The following QSER1 variants were observed in gnomAD, a reference collection of about 807,000 sequenced individuals.
QSER1 encodes the protein glutamine and serine rich 1.
QSER1 carries 49 observed loss-of-function variants against 158.5 expected under a neutral mutation model. The ratio of observed to expected loss-of-function variants is 0.31; its 90% CI spans 0.25 to 0.39. The LOEUF (loss-of-function observed/expected upper bound fraction) is 0.39. QSER1 is among the 10% of genes least tolerant of loss of function. QSER1 has a pLI of 1.00. For synonymous variants in QSER1, 650 were observed against 715.5 expected (o/e 0.91, Z 1.46); for missense variants, 1,754 against 2,010.3 (o/e 0.87, Z 2.44).
At chr11:32,969,174 C>A in intron 10 of QSER1, 31 bp downstream of exon 10, 2 of 1,237,812 alleles carry the variant, frequency 1.6e-6, no homozygotes, top group Non-Finnish European at 2.3e-6. Context: ...ATTAGCAAAA[C>A]TCAATGGCAG....
At chr11:32,918,153 C>T (rs529863053) in intron 1 of QSER1, among the ~76,000 whole-genome samples, 23 of 152,000 alleles carry the variant, frequency 1.5e-4, no homozygotes, top group Admixed American at 4.6e-4. Flanking sequence ...ATTTCTCTTC[C>T]GAAACTGTAC....
At chr11:32,894,813 A>G (rs897813831) in intron 1 of QSER1, among the ~76,000 whole-genome samples, 2 of 152,244 alleles carry the variant, frequency 1.3e-5, no homozygotes, top group Non-Finnish European at 2.9e-5. Flanking sequence ...ATTTTGTATT[A>G]CATACAAGTA....
At chr11:32,898,441 G>A (rs1851582463) in intron 1 of QSER1, among the ~76,000 whole-genome samples, 1 of 151,568 alleles carries the variant, frequency 6.6e-6, no homozygotes, top group African/African-American at 2.4e-5. Context: ...AGCTGTGATG[G>A]TGCCACTGCA....
rs1192916091 is a variant in QSER1, at chr11:32,976,688, C to T, written c.*214C>T. 1.3e-5 allele frequency: 6 copies of T among 464,904 alleles called. No homozygotes were observed. The highest frequency in any genetic ancestry group is 2.1e-5 in the African/African-American group (1 of 48,360). The allele number at this position is 464,904 out of a possible 1,614,324, so 28.8% of individuals were successfully genotyped here. On this transcript the variant is annotated 3_prime_UTR_variant, in exon 13 of 13. Coordinates refer to ENST00000650167, the MANE Select transcript of QSER1 (RefSeq NM_001076786.3). ...ACCTAAATCCCACCACATTTTTACCCTAATGAATGATTTTTCTATTTTGTA... is the reference window on the plus strand; with the variant it reads ...ACCTAAATCCCACCACATTTTTACCTTAATGAATGATTTTTCTATTTTGTA...
At chr11:32,961,651 C>A (rs991261674) in intron 8 of QSER1, among the ~76,000 whole-genome samples, 1 of 152,124 alleles carries the variant, frequency 6.6e-6, no homozygotes, top group African/African-American at 2.4e-5. Flanking sequence ...TACTGGTAAC[C>A]TCTAATCTGT....
intron 7 of QSER1, among the ~76,000 whole-genome samples, chr11:32,956,411 A>C (rs533716337): frequency 6.6e-6 from 1 of 152,322 alleles, no homozygotes; most frequent in South Asian, 2.1e-4. Context: ...GTCCAGCTTT[A>C]TGTGACTTAG....
intron 11 of QSER1, among the ~76,000 whole-genome samples, chr11:32,974,864 T>G (rs959317250): frequency 6.6e-6 from 1 of 152,172 alleles, no homozygotes; most frequent in African/African-American, 2.4e-5. Context: ...ATTACAAAAT[T>G]AGTGTTATTA....
intron 11 of QSER1, among the ~76,000 whole-genome samples, chr11:32,973,831 T>C (rs1283410466): frequency 6.6e-6 from 1 of 152,198 alleles, no homozygotes; most frequent in Non-Finnish European, 1.5e-5. Flanking sequence ...TGTAGGTAGT[T>C]TTTCATTTTT....
chr11:32,915,040 C>T (rs1040054944), intron 1 of QSER1, among the ~76,000 whole-genome samples: 1 of 152,084 alleles, frequency 6.6e-6, no homozygotes, highest in Non-Finnish European at 1.5e-5. Context: ...CCACCTTAGC[C>T]CCCCTGAGTA....
chr11:32,945,365 C>T (rs1316498747), intron 4 of QSER1, among the ~76,000 whole-genome samples: 15 of 151,672 alleles, frequency 9.9e-5, no homozygotes, highest in South Asian at 8.4e-4. Flanking sequence ...GATTTTGCAG[C>T]GGCTGGTACC....
intron 1 of QSER1, among the ~76,000 whole-genome samples, chr11:32,899,581 C>T (rs1049629199): frequency 6.6e-6 from 1 of 152,076 alleles, no homozygotes; most frequent in East Asian, 1.9e-4. Flanking sequence ...AAGTGACAAG[C>T]ATGCAATCAC....
intron 7 of QSER1, 53 bp downstream of exon 7, chr11:32,956,174 A>G: frequency 7.0e-7 from 1 of 1,433,508 alleles, no homozygotes; most frequent in African/African-American, 1.4e-5. Flanking sequence ...TGTATTATTG[A>G]TGATACCAAT....
chr11:32,966,293 C>T lies in QSER1; in HGVS notation c.4970-7C>T. The T allele has an allele frequency of 1.9e-6, 3 of 1,610,712 alleles. No individual in the cohort carries two copies. The highest frequency in any genetic ancestry group is 2.5e-6 in the Non-Finnish European group (3 of 1,179,058). On this transcript the variant is annotated splice_region_variant and splice_polypyrimidine_tract_variant and intron_variant, in intron 8 of 12. Transcript: ENST00000650167. ...AAATTTAATATTTAACCCTTTCTCC[C>T]TCCCAGAATTTGAACCTCCCGCTCC... is the stretch of plus-strand genomic sequence containing the variant.
intron 1 of QSER1, among the ~76,000 whole-genome samples, chr11:32,914,977 C>T (rs528109421): frequency 1.2e-3 from 184 of 152,200 alleles, no homozygotes; most frequent in Middle Eastern, 6.8e-3. Context: ...TGAAGTGTAG[C>T]GGCCTGATCA....
At chr11:32,915,078 A>G (rs1210964537) in intron 1 of QSER1, among the ~76,000 whole-genome samples, 1 of 152,046 alleles carries the variant, frequency 6.6e-6, no homozygotes, top group Non-Finnish European at 1.5e-5. Flanking sequence ...CACTATGCCC[A>G]GCTAATTATT....
At chr11:32,948,182 T>A (rs190413948) in intron 4 of QSER1, among the ~76,000 whole-genome samples, 2 of 152,234 alleles carry the variant, frequency 1.3e-5, no homozygotes, top group South Asian at 2.1e-4. Context: ...ACAAACTAAT[T>A]GGAATGGACA....
intron 1 of QSER1, among the ~76,000 whole-genome samples, chr11:32,900,912 C>T (rs1383695385): frequency 2.0e-5 from 3 of 152,324 alleles, no homozygotes; most frequent in African/African-American, 4.8e-5. Context: ...AGAGCATTCT[C>T]ACTCTCTGGA....
In QSER1 at chr11:32,962,972, G is replaced by C. The variant is rs372503279; in HGVS notation, c.4970-3328G>C. ...GTTTTCTTGGGGGAAAGAATGGCTA[G>C]TTTATCTTGTAACTCACACAACTGT... On this transcript the variant is annotated intron_variant, in intron 8 of 12. Coordinates refer to ENST00000650167, the MANE Select transcript of QSER1 (RefSeq NM_001076786.3). Among the ~76,000 whole-genome samples, 4 of 152,126 alleles carry C rather than the reference G, an allele frequency of 2.6e-5. No individual in the cohort carries two copies. The East Asian group carries it at 5.8e-4, about 22-fold the overall frequency.
At position 32,948,506 on chromosome 11, in the gene QSER1, G is replaced by C. The variant is rs11032066; in HGVS notation, c.4178-5351G>C. ...TAGGTGGGCATGTTGGCATGTGCCT[G>C]TCGTCCTAGCTAATGTGGAGCCTGA... On this transcript the variant is annotated intron_variant, in intron 4 of 12. Coordinates refer to ENST00000650167, the MANE Select transcript of QSER1 (RefSeq NM_001076786.3). Among the ~76,000 whole-genome samples the C allele has an allele frequency of 8.8e-3, 1,341 of 152,298 alleles. 10 individuals carry two copies. Among genetic ancestry groups the C allele is most frequent in the Non-Finnish European group, 0.016 (1,056 of 68,018 alleles).
Sources: allele counts gnomAD v4.1 joint callset (sites outside exome capture counted in the v4.1 genomes callset), GRCh38; gene constraint gnomAD v4.1.1; transcripts MANE v1.5; gene names NCBI Gene and HGNC (gene_info 2026-07-23, HGNC 2026-07-21).